The following CLCN7 variants were observed in gnomAD, a reference collection of about 807,000 sequenced individuals.
CLCN7 encodes the protein H(+)/Cl(-) exchange transporter 7.
CLCN7 carries 60 observed loss-of-function variants against 102.1 expected under a neutral mutation model. That is an observed-to-expected ratio of 0.59 (90% CI 0.48 to 0.73). CLCN7 has a LOEUF of 0.73. Ranked by LOEUF, CLCN7 falls within the 30% of genes least tolerant of loss-of-function variation. The pLI, the probability that CLCN7 is intolerant of heterozygous loss-of-function variation, is 0.00. For missense variants in CLCN7, 962 were observed against 1,125.7 expected (o/e 0.85, Z 2.08); for synonymous variants, 560 against 490.5 (o/e 1.14, Z -1.87).
intron 16 of CLCN7, among the ~76,000 whole-genome samples, 161 bp from the exon 17 acceptor site, chr16:1,450,827 C>T (rs1049341416): frequency 6.7e-6 from 1 of 149,788 alleles, no homozygotes; most frequent in African/African-American, 2.5e-5. Flanking sequence ...TTCTCAGCCT[C>T]CCTGGGAAGC....
chr16:1,468,072 G>C (rs1020627088), intron 1 of CLCN7, among the ~76,000 whole-genome samples: 1 of 152,084 alleles, frequency 6.6e-6, no homozygotes, highest in South Asian at 2.1e-4. Flanking sequence ...AACACGGCAA[G>C]ACCCTATCTC....
intron 7 of CLCN7, among the ~76,000 whole-genome samples, chr16:1,458,890 C>T (rs1156687509): frequency 6.6e-6 from 1 of 152,206 alleles, no homozygotes; most frequent in African/African-American, 2.4e-5. Context: ...TATGACTACT[C>T]ATTTCTTACG....
At chr16:1,447,626 C>A (rs760226403) in intron 22 of CLCN7, 29 bp downstream of exon 22, 3 of 1,551,992 alleles carry the variant, frequency 1.9e-6, no homozygotes, top group South Asian at 2.4e-5. Context: ...GGCCCCCACC[C>A]GCCCAATGGC....
intron 2 of CLCN7, among the ~76,000 whole-genome samples, chr16:1,463,362 G>C (rs1250487235): frequency 2.0e-5 from 3 of 152,198 alleles, no homozygotes; most frequent in Non-Finnish European, 4.4e-5. Context: ...TGTGCGGGGT[G>C]TGATGCACCT....
chr16:1,454,298 T>A (rs532592451), intron 13 of CLCN7, 113 bp downstream of exon 13: 2 of 1,126,698 alleles, frequency 1.8e-6, no homozygotes, highest in African/African-American at 1.5e-5. Context: ...CGGGTGGCCC[T>A]GGGATGAGGG....
intron 2 of CLCN7, among the ~76,000 whole-genome samples, chr16:1,462,838 G>A (rs1815340918): frequency 6.6e-6 from 1 of 152,072 alleles, no homozygotes; most frequent in South Asian, 2.1e-4. Context: ...TCAACAAATG[G>A]TGCTGGTACA....
chr16:1,468,657 G>C (rs896776659), intron 1 of CLCN7, among the ~76,000 whole-genome samples: 1 of 152,086 alleles, frequency 6.6e-6, no homozygotes, highest in African/African-American at 2.4e-5. Context: ...GGCGAGACTC[G>C]GGCCGGACGG....
At position 1,456,462 on chromosome 16, in the gene CLCN7, A is replaced by G. The variant is rs35946424; in HGVS notation, c.823-256T>C. Among the ~76,000 whole-genome samples the G allele has an allele frequency of 0.07, 10,629 of 152,296 alleles. 460 individuals carry two copies. The highest frequency in any genetic ancestry group is 0.1 in the Non-Finnish European group (6,838 of 68,020). On this transcript the variant is annotated intron_variant, in intron 9 of 24. Coordinates refer to ENST00000382745, the MANE Select transcript of CLCN7 (RefSeq NM_001287.6). Reference sequence around the variant, plus strand: ...CACTTTCCAGCGCACGCAAGATTCCAAAAACCTCTACCCTCTAACGAAAAG... The same window carrying G: ...CACTTTCCAGCGCACGCAAGATTCCGAAAACCTCTACCCTCTAACGAAAAG...
At position 1,457,323 on chromosome 16, in the gene CLCN7, G is replaced by A. The variant is rs781078626; in HGVS notation, c.753C>T (p.Ile251=). The change falls in exon 9 of 25, where the codon ATC becomes ATT. Residue 251 remains isoleucine (I), a synonymous_variant. Transcript: ENST00000382745. This position sits in a 1 kb window ranked among gnomAD's most constrained non-coding sequence, Gnocchi z 5.4. ...GLAVGKEGPM[I]HSGSVIAAGI... Reference sequence around the variant, plus strand: ...CGGCGGCAATCACTGAACCTGAGTGGATCATCGGCCCTTCCTGGAGACCAG... The same window carrying A: ...CGGCGGCAATCACTGAACCTGAGTGAATCATCGGCCCTTCCTGGAGACCAG... The A allele has an allele frequency of 3.1e-6, 5 of 1,613,832 alleles. No individual in the cohort carries two copies. The highest frequency in any genetic ancestry group is 4.2e-6 in the Non-Finnish European group (5 of 1,180,044).
At chr16:1,455,526 A>G in intron 11 of CLCN7, 2 of 683,986 alleles carry the variant, frequency 2.9e-6, no homozygotes, top group African/African-American at 1.8e-5. Flanking sequence ...GGAGCCACCC[A>G]GGGCTGGCAA....
intron 1 of CLCN7, among the ~76,000 whole-genome samples, chr16:1,473,929 A>G (rs1330004283): frequency 6.6e-6 from 1 of 151,960 alleles, no homozygotes; most frequent in East Asian, 2.0e-4. Flanking sequence ...TACTAAAAAT[A>G]CAAAATTAGC....
intron 1 of CLCN7, chr16:1,472,390 T>C (rs2039090406): frequency 6.6e-6 from 1 of 151,950 alleles, no homozygotes; most frequent in Non-Finnish European, 1.5e-5. Context: ...ACCACTATAC[T>C]CGGCTAATTT....
rs371999092 is a variant in CLCN7 at position 1,457,206 on chromosome 16, C to T, written c.822+48G>A. The T allele has an allele frequency of 6.5e-7, 1 of 1,533,032 alleles. No homozygotes were observed. The highest frequency in any genetic ancestry group is 9.0e-7 in the Non-Finnish European group (1 of 1,106,436). 95.0% of individuals were successfully genotyped at this position (1,533,032 alleles called of 1,614,324 possible). On this transcript the variant is annotated intron_variant, in intron 9 of 24. Coordinates refer to ENST00000382745, the MANE Select transcript of CLCN7 (RefSeq NM_001287.6). The surrounding 1 kb of genome is among the most constrained non-coding windows in gnomAD (Gnocchi z 5.4). Reference sequence around the variant, plus strand: ...CCCATCTCCCTGAGTGGTGCCCGTGCCCGTGCCCATGGCATCTGGAGCCCA... The same window carrying T: ...CCCATCTCCCTGAGTGGTGCCCGTGTCCGTGCCCATGGCATCTGGAGCCCA...
At chr16:1,456,745 G>T (rs1200148913) in intron 9 of CLCN7, among the ~76,000 whole-genome samples, 1 of 151,854 alleles carries the variant, frequency 6.6e-6, no homozygotes, top group Non-Finnish European at 1.5e-5. Context: ...GGATGCTGAG[G>T]CAGGAGAATT....
In CLCN7 at chr16:1,454,444, C is replaced by T; in HGVS notation, c.1120G>A (p.Glu374Lys). 1 of 1,613,718 alleles carries T rather than the reference C, an allele frequency of 6.2e-7. No homozygotes were observed. Among genetic ancestry groups the T allele is most frequent in the Non-Finnish European group, 8.5e-7 (1 of 1,180,016 alleles). Residue 374 changes from glutamate (E) to lysine (K), a missense_variant, in exon 13 of 25, where the codon GAG becomes AAG. This residue lies in a region of CLCN7 where 799 missense variants were observed against 988.0 expected (regional missense o/e 0.81). Transcript: ENST00000382745. ...CCCATGGCGATGAAGACCGGGATCT[C>T]GTGGATCGTGTAGGCCATTTTCTGT... ...DSEKMAYTIH[E>K]IPVFIAMGVV...
Position 1,448,173 on chromosome 16 carries a change from C to A in CLCN7, c.2013+182G>T, listed in dbSNP as rs369570743. On this transcript the variant is annotated intron_variant, in intron 21 of 24. Transcript: ENST00000382745. ...AAGACCCTGCCAGGCCGCAGCCCCC[C>A]CCACCAGCCTCAGCGTCCACACAGC... 157 of 853,826 alleles carry A rather than the reference C, an allele frequency of 1.8e-4. No homozygotes were observed. In the East Asian group the frequency reaches 3.9e-3, roughly 21 times the overall value. 52.9% of individuals were successfully genotyped at this position (853,826 alleles called of 1,614,324 possible). A position where few individuals can be genotyped will look rare whatever the true frequency, so the allele number is the denominator to read the frequency against.
intron 1 of CLCN7, among the ~76,000 whole-genome samples, chr16:1,466,287 C>T (rs971660286): frequency 5.9e-5 from 9 of 152,332 alleles, no homozygotes; most frequent in African/African-American, 1.9e-4. Context: ...CCCCCAACGC[C>T]GTCCCCTCCT....
At chr16:1,470,816 G>C (rs1366443958) in intron 1 of CLCN7, among the ~76,000 whole-genome samples, 3 of 152,162 alleles carry the variant, frequency 2.0e-5, no homozygotes, top group Admixed American at 1.3e-4. Context: ...CGGGTGCCCA[G>C]GCAGGACACA....
At chr16:1,455,106 G>A (rs1453634726) in intron 12 of CLCN7, 28 bp downstream of exon 12, 3 of 1,275,174 alleles carry the variant, frequency 2.4e-6, no homozygotes, top group Non-Finnish European at 1.1e-6. Context: ...GATACGAGGT[G>A]GGCGAGGTGG....
Sources: allele counts gnomAD v4.1 joint callset (sites outside exome capture counted in the v4.1 genomes callset), GRCh38; gene constraint gnomAD v4.1.1; regional missense constraint gnomAD v4.1.1; non-coding constraint Gnocchi (gnomAD v3.1); transcripts MANE v1.5; gene names NCBI Gene and HGNC (gene_info 2026-07-23, HGNC 2026-07-21).